Variants in GALNT14 observed in about 807,000 individuals in gnomAD.
The protein encoded by GALNT14 is polypeptide N-acetylgalactosaminyltransferase 14.
Under a neutral mutation model 77.5 loss-of-function variants are expected in GALNT14, and 60 were observed. That is an observed-to-expected ratio of 0.77 (90% CI 0.63 to 0.96). The LOEUF (loss-of-function observed/expected upper bound fraction) is 0.96. Ranked by LOEUF, GALNT14 falls within the 40% of genes least tolerant of loss-of-function variation. The probability of loss-of-function intolerance (pLI) is 0.00; values close to 1 mark genes in which losing one functional copy is unlikely to be tolerated. For synonymous variants in GALNT14, 280 were observed against 281.7 expected, an observed-to-expected ratio of 0.99 and a Z score of 0.06; for missense variants, 710 against 731.0, an observed-to-expected ratio of 0.97 and a Z score of 0.33.
Position 31,019,545 on chromosome 2 carries a change from C to T in GALNT14, c.130-26538G>A, listed in dbSNP as rs115675125. Among the ~76,000 whole-genome samples, 148 of 152,238 alleles carry T rather than the reference C, an allele frequency of 9.7e-4. 1 individual carries two copies. The highest frequency in any genetic ancestry group is 3.4e-3 in the African/African-American group (142 of 41,548). Reference sequence around the variant, plus strand: ...AAGAACACGGGTCCACCACACAGCCCCACAACCCAGTCCTGCACTCAAGGA... The same window carrying T: ...AAGAACACGGGTCCACCACACAGCCTCACAACCCAGTCCTGCACTCAAGGA... On this transcript the variant is annotated intron_variant, in intron 1 of 14. Coordinates refer to ENST00000349752, the MANE Select transcript of GALNT14 (RefSeq NM_024572.4).
chr2:30,955,960 G>A lies in GALNT14; in HGVS notation c.484C>T (p.Leu162Phe). The A allele has an allele frequency of 6.2e-7, 1 of 1,614,214 alleles. No homozygotes were observed. The highest frequency in any genetic ancestry group is 8.5e-7 in the Non-Finnish European group (1 of 1,180,040). ...CATTTCACCTTGGGCAACTTGATGAGCTGTTTACAGTCATCAGCTGCAAAG... is the reference window on the plus strand; with the variant it reads ...CATTTCACCTTGGGCAACTTGATGAACTGTTTACAGTCATCAGCTGCAAAG... Reference protein sequence around the residue: ...FSNDPDDCKQLIKLPKVKCLR... With the variant: ...FSNDPDDCKQFIKLPKVKCLR... Residue 162 changes from leucine to phenylalanine, a missense_variant, in exon 5 of 15, where the codon CTC becomes TTC. Physicochemically the swap from Leu to Phe is conservative, Grantham distance 22. Transcript: ENST00000349752.
At chr2:30,889,606 A>G in the GALNT14 span, among the ~76,000 whole-genome samples, 1 of 152,182 alleles carries the variant, frequency 6.6e-6, no homozygotes, top group African/African-American at 2.4e-5. Flanking sequence ...TCTCCATTTT[A>G]CAGAGGTGTA....
At position 30,932,157 on chromosome 2, in the gene GALNT14, T is replaced by A; in HGVS notation, c.969A>T (p.Leu323=). Residue 323 remains leucine (L), a synonymous_variant, in exon 10 of 15, where the codon CTA becomes CTT. Coordinates refer to ENST00000349752, the MANE Select transcript of GALNT14 (RefSeq NM_024572.4). ...SFRVWMCGGS[L]EIVPCSRVGH... is the part of the protein sequence containing the mutation. ...CCACTCGGCTGCAGGGGACGATCTCTAGGCTGCCCCCGCACATCCACACTC... is the reference window on the plus strand; with the variant it reads ...CCACTCGGCTGCAGGGGACGATCTCAAGGCTGCCCCCGCACATCCACACTC... The A allele has an allele frequency of 6.4e-7, 1 of 1,557,744 alleles. No individual in the cohort carries two copies. Among genetic ancestry groups the A allele is most frequent in the Non-Finnish European group, 8.7e-7 (1 of 1,152,190 alleles).
At chr2:30,890,839 A>C in the GALNT14 span, among the ~76,000 whole-genome samples, 10 of 152,224 alleles carry the variant, frequency 6.6e-5, no homozygotes, top group African/African-American at 2.4e-4. Flanking sequence ...AGTATGGTCC[A>C]GGCAGAGTGG....
At chr2:30,977,806 G>C (rs76459683) in intron 2 of GALNT14, among the ~76,000 whole-genome samples, 4,095 of 152,116 alleles carry the variant, frequency 0.027, 155 homozygotes, top group East Asian at 0.21. Context: ...CTGCACCTTC[G>C]TACAGTCAAT....
At chr2:31,039,365 T>C (rs1465489271) in intron 1 of GALNT14, among the ~76,000 whole-genome samples, 4 of 152,220 alleles carry the variant, frequency 2.6e-5, no homozygotes, top group Non-Finnish European at 5.9e-5. Flanking sequence ...AGAACCTTTT[T>C]AGTGCACAGA....
intron 2 of GALNT14, among the ~76,000 whole-genome samples, chr2:30,984,429 G>A (rs1669173928): frequency 6.6e-6 from 1 of 152,194 alleles, no homozygotes; most frequent in Non-Finnish European, 1.5e-5. Flanking sequence ...TTTAGGGCAT[G>A]TCCCAGTGTT....
At chr2:31,031,555 A>G (rs955423874) in intron 1 of GALNT14, among the ~76,000 whole-genome samples, 1 of 152,132 alleles carries the variant, frequency 6.6e-6, no homozygotes, top group African/African-American at 2.4e-5. Flanking sequence ...TGCCACTGGT[A>G]CCTCTGCTTA....
At chr2:31,115,273 T>A (rs562741987) in intron 1 of GALNT14, among the ~76,000 whole-genome samples, 11 of 146,022 alleles carry the variant, frequency 7.5e-5, no homozygotes, top group African/African-American at 2.0e-4. Context: ...AAAAAAAAAA[T>A]AATCCCAAAC....
At chr2:31,057,372 GTGTATATATA>G (rs1432541224) in intron 1 of GALNT14, among the ~76,000 whole-genome samples, 187 of 79,034 alleles carry the variant, frequency 2.4e-3, no homozygotes, top group Admixed American at 8.2e-3. Context: ...GTGTGTGTGT[GTGTATATATA>G]TATATATATA....
intron 1 of GALNT14, among the ~76,000 whole-genome samples, chr2:31,011,446 T>C (rs1671025989): frequency 1.3e-5 from 2 of 152,108 alleles, no homozygotes; most frequent in Non-Finnish European, 2.9e-5. Flanking sequence ...TTCCCACCTA[T>C]AAAATATAGG....
At chr2:31,053,741 G>T (rs1273967152) in intron 1 of GALNT14, among the ~76,000 whole-genome samples, 2 of 152,308 alleles carry the variant, frequency 1.3e-5, no homozygotes, top group East Asian at 3.9e-4. Flanking sequence ...CTTAGCTTCT[G>T]ATTAGACAGG....
intron 13 of GALNT14, among the ~76,000 whole-genome samples, chr2:30,921,661 C>A (rs1665038330): frequency 6.6e-6 from 1 of 152,162 alleles, no homozygotes; most frequent in African/African-American, 2.4e-5. Flanking sequence ...GGGTTAATGA[C>A]CACATTCAAT....
rs868548393 is a variant in GALNT14 at position 31,138,218 on chromosome 2, G to A, written c.-132C>T. On this transcript the variant is annotated 5_prime_UTR_variant, in exon 1 of 15. Coordinates refer to ENST00000349752, the MANE Select transcript of GALNT14 (RefSeq NM_024572.4). ...TCTAGACCCAGGATCCGGTTGGAGG[G>A]GCGGCAGGATCCTGCAAGGCGCCCT... 3 of 1,161,132 alleles carry A rather than the reference G, an allele frequency of 2.6e-6. No homozygotes were observed. Among genetic ancestry groups the A allele is most frequent in the Middle Eastern group, 2.4e-4 (1 of 4,220 alleles). 71.9% of individuals were successfully genotyped at this position (1,161,132 alleles called of 1,614,324 possible). A position where few individuals can be genotyped will look rare whatever the true frequency, so the allele number is the denominator to read the frequency against.
intron 1 of GALNT14, among the ~76,000 whole-genome samples, chr2:31,020,668 G>A (rs909555068): frequency 1.3e-5 from 2 of 150,772 alleles, no homozygotes; most frequent in Non-Finnish European, 2.9e-5. Context: ...GGGAGGGAAG[G>A]TGTGTTGCTG....
At chr2:31,020,370 A>G (rs978253365) in intron 1 of GALNT14, among the ~76,000 whole-genome samples, 1 of 152,194 alleles carries the variant, frequency 6.6e-6, no homozygotes, top group Non-Finnish European at 1.5e-5. Context: ...TGGGTAAATG[A>G]CACCCCAGGG....
At chr2:30,951,734 T>C (rs955636078) in intron 6 of GALNT14, among the ~76,000 whole-genome samples, 5 of 152,050 alleles carry the variant, frequency 3.3e-5, no homozygotes, top group Non-Finnish European at 5.9e-5. Flanking sequence ...GGGGACTGAG[T>C]CCACTGCTGT....
chr2:31,074,553 C>A (rs182150060), intron 1 of GALNT14, among the ~76,000 whole-genome samples: 1 of 152,086 alleles, frequency 6.6e-6, no homozygotes, highest in African/African-American at 2.4e-5. Context: ...CTGCCTGGGG[C>A]TAACTGGTTC....
intron 4 of GALNT14, 100 bp downstream of exon 4, chr2:30,958,297 T>C (rs1352273443): frequency 4.9e-6 from 5 of 1,014,758 alleles, no homozygotes; most frequent in Non-Finnish European, 7.6e-6. Context: ...ACCTGGGCTT[T>C]TCCCCATTCC....
Sources: gnomAD v4.1 joint callset for allele counts (sites outside exome capture counted in the v4.1 genomes callset) on GRCh38, gnomAD v4.1.1 for gene constraint, MANE v1.5 for transcripts, NCBI Gene and HGNC (gene_info 2026-07-23, HGNC 2026-07-21) for gene names.